Variants in KIF24 observed in about 807,000 individuals in gnomAD.
KIF24 encodes kinesin-like protein KIF24.
KIF24 carries 81 observed loss-of-function variants against 118.9 expected under a neutral mutation model. The ratio of observed to expected loss-of-function variants is 0.68; its 90% CI spans 0.57 to 0.82. The LOEUF is 0.82. KIF24 is among the 40% of genes least tolerant of loss of function. The probability of loss-of-function intolerance (pLI) is 0.00; values close to 1 mark genes in which losing one functional copy is unlikely to be tolerated. For missense variants in KIF24, 1,560 were observed against 1,661.6 expected, an observed-to-expected ratio of 0.94 and a Z score of 1.06; for synonymous variants, 599 against 610.0, an observed-to-expected ratio of 0.98 and a Z score of 0.27.
chr9:34,285,139 T>C lies in KIF24; in HGVS notation c.1215+1478A>G, dbSNP rs181883516. Reference sequence around the variant, plus strand: ...ACTATCTTCTTACATATTTCTGTAATGTTTAAACTTAATGATAAGTATGAC... The same window carrying C: ...ACTATCTTCTTACATATTTCTGTAACGTTTAAACTTAATGATAAGTATGAC... On this transcript the variant is annotated intron_variant, in intron 6 of 12. Transcript: ENST00000402558. Among the ~76,000 whole-genome samples, 752 of 152,278 alleles carry C rather than the reference T, an allele frequency of 4.9e-3. 5 individuals are homozygous for C. Among genetic ancestry groups the C allele is most frequent in the Non-Finnish European group, 5.8e-3 (394 of 68,016 alleles).
intron 2 of KIF24, among the ~76,000 whole-genome samples, chr9:34,310,061 C>T (rs1349318184): frequency 6.6e-6 from 1 of 151,580 alleles, no homozygotes; most frequent in Non-Finnish European, 1.5e-5. Flanking sequence ...CTCTTAGGGA[C>T]CTTATTTCAA....
intron 8 of KIF24, among the ~76,000 whole-genome samples, chr9:34,264,434 G>C (rs1243978743): frequency 8.2e-6 from 1 of 122,576 alleles, no homozygotes; most frequent in African/African-American, 3.0e-5. Context: ...CGTCTCAAGA[G>C]AAAAAAAAAA....
intron 1 of KIF24, among the ~76,000 whole-genome samples, chr9:34,322,459 T>A (rs1837554913): frequency 6.6e-6 from 1 of 152,022 alleles, no homozygotes; most frequent in South Asian, 2.1e-4. Flanking sequence ...TGCCTTGGCC[T>A]CCTAAAGTGC....
Position 34,255,097 on chromosome 9 carries a change from G to T in KIF24, c.3941C>A (p.Thr1314Lys). The T allele has an allele frequency of 6.3e-7, 1 of 1,594,510 alleles. No homozygotes were observed. The highest frequency in any genetic ancestry group is 8.5e-7 in the Non-Finnish European group (1 of 1,170,268). ...ATTAGAAGCCAGCTGGCTCATCAGCGTCTCCTCCTTGAAGCCGAGCTCAGC... is the reference window on the plus strand; with the variant it reads ...ATTAGAAGCCAGCTGGCTCATCAGCTTCTCCTCCTTGAAGCCGAGCTCAGC... Reference protein sequence around the residue: ...EMAELGFKEETLMSQLASNDF... With the variant: ...EMAELGFKEEKLMSQLASNDF... Residue 1314 changes from threonine (T) to lysine (K), a missense_variant, in exon 12 of 13, where the codon ACG (threonine) becomes AAG (lysine). By Grantham distance (78) the Thr-to-Lys change is moderately conservative. Coordinates refer to ENST00000402558, the MANE Select transcript of KIF24 (RefSeq NM_194313.4).
intron 3 of KIF24, among the ~76,000 whole-genome samples, chr9:34,300,974 T>C (rs1836683420): frequency 6.6e-6 from 1 of 152,136 alleles, no homozygotes; most frequent in Admixed American, 6.6e-5. Flanking sequence ...TGCTCATGGA[T>C]AGCTTTAGCT....
In KIF24 at chr9:34,256,678, A is replaced by C. The variant is rs1834858981; in HGVS notation, c.2929T>G (p.Leu977Val). Residue 977 changes from leucine (L) to valine (V), a missense_variant, in exon 11 of 13, where the codon TTG becomes GTG. Leu to Val is a conservative substitution (Grantham distance 32, BLOSUM62 1). Transcript: ENST00000402558. ...SEVSGENEGN[L>V]PSPEEDGFTI... ...AAACCATCTTCCTCTGGGGATGGCA[A>C]GTTGCCCTCATTCTCCCCAGAAACC... The C allele has an allele frequency of 6.2e-7, 1 of 1,613,988 alleles. No homozygotes were observed. Among genetic ancestry groups the C allele is most frequent in the Non-Finnish European group, 8.5e-7 (1 of 1,179,892 alleles).
At chr9:34,281,331 T>TA (rs1349629906) in intron 6 of KIF24, among the ~76,000 whole-genome samples, 2 of 152,170 alleles carry the variant, frequency 1.3e-5, no homozygotes, top group Non-Finnish European at 2.9e-5. Flanking sequence ...TGGCCTCTCT[T>TA]AATTTCTTAA....
intron 6 of KIF24, among the ~76,000 whole-genome samples, chr9:34,280,174 C>T (rs1396414216): frequency 1.3e-5 from 2 of 148,618 alleles, no homozygotes; most frequent in Non-Finnish European, 3.0e-5. Flanking sequence ...GTCCCAGCTA[C>T]TTGGGAGGCT....
intron 1 of KIF24, among the ~76,000 whole-genome samples, chr9:34,316,341 A>G (rs1270723190): frequency 2.0e-5 from 3 of 152,084 alleles, no homozygotes; most frequent in Non-Finnish European, 4.4e-5. Flanking sequence ...CTCTATTAAA[A>G]AAAAAAAAAA....
At position 34,253,659 on chromosome 9, in the gene KIF24, G is replaced by C. The variant is rs535584335; in HGVS notation, c.*721C>G. The C allele has an allele frequency of 6.6e-6, 1 of 152,166 alleles. No homozygotes were observed. Among genetic ancestry groups the C allele is most frequent in the African/African-American group, 2.4e-5 (1 of 41,426 alleles). 9.4% of individuals were successfully genotyped at this position (152,166 alleles called of 1,614,324 possible). A position where few individuals can be genotyped will look rare whatever the true frequency, so the allele number is the denominator to read the frequency against. On this transcript the variant is annotated 3_prime_UTR_variant, in exon 13 of 13. Coordinates refer to ENST00000402558, the MANE Select transcript of KIF24 (RefSeq NM_194313.4). ...GGCATTGTACAGAGGCCTTTCACCC[G>C]AGCAAAAGTCAGGAGAAAAATTGAT...
At chr9:34,300,471 C>T (rs1339997086) in intron 3 of KIF24, among the ~76,000 whole-genome samples, 2 of 151,702 alleles carry the variant, frequency 1.3e-5, no homozygotes, top group Admixed American at 6.6e-5. Flanking sequence ...CTGCTTCAAG[C>T]GATTCTCCTG....
At chr9:34,319,611 C>A (rs900103049) in intron 1 of KIF24, 5 of 909,770 alleles carry the variant, frequency 5.5e-6, no homozygotes, top group Non-Finnish European at 9.2e-6. Flanking sequence ...GTTCACTGGG[C>A]ACCTGGTCCG....
intron 4 of KIF24, among the ~76,000 whole-genome samples, chr9:34,290,733 G>A (rs980295947): frequency 2.6e-5 from 4 of 151,900 alleles, no homozygotes; most frequent in Non-Finnish European, 5.9e-5. Context: ...CTGAGTAGCT[G>A]GAAGTACAGG....
intron 6 of KIF24, among the ~76,000 whole-genome samples, chr9:34,275,848 A>T (rs993857933): frequency 2.0e-5 from 3 of 151,892 alleles, no homozygotes; most frequent in East Asian, 3.9e-4. Flanking sequence ...AAAAAAAAAA[A>T]TTATTTGATA....
Position 34,318,608 on chromosome 9 carries a change from G to A in KIF24, c.-25-7237C>T. The A allele has an allele frequency of 1.2e-5, 17 of 1,477,222 alleles. No individual in the cohort carries two copies. The South Asian group carries it at 2.0e-4, about 17-fold the overall frequency. The allele number at this position is 1,477,222 out of a possible 1,614,324, so 91.5% of individuals were successfully genotyped here. ...GGACCAGGCGGTGGAGAACATCCTG[G>A]TGTCGCCCGTGGTGGTGGCCTCGTC... On this transcript the variant is annotated intron_variant, in intron 1 of 12. Coordinates refer to ENST00000402558, the MANE Select transcript of KIF24 (RefSeq NM_194313.4). The surrounding 1 kb of genome is among the most constrained non-coding windows in gnomAD (Gnocchi z 4.9).
intron 6 of KIF24, among the ~76,000 whole-genome samples, chr9:34,275,603 G>A (rs775848388): frequency 1.3e-5 from 2 of 152,174 alleles, no homozygotes; most frequent in African/African-American, 2.4e-5. Context: ...CACTTTGGGA[G>A]GCCAAGGCGG....
chr9:34,279,041 T>G (rs1835754074), intron 6 of KIF24, among the ~76,000 whole-genome samples: 1 of 152,106 alleles, frequency 6.6e-6, no homozygotes, highest in Admixed American at 6.6e-5. Flanking sequence ...AAGGTTGAGG[T>G]TGCAGTGACC....
In KIF24 at chr9:34,257,912, G is replaced by A. The variant is rs1286110100; in HGVS notation, c.1695C>T (p.Asn565=). The change falls in exon 11 of 13, where the codon AAC becomes AAT. Residue 565 remains asparagine (N), a synonymous_variant. Transcript: ENST00000402558. ...AGCTCTGAATTCGTTTTGGAGAGGA[G>A]TTTCCAGATGTCCGATTTCGACTGG... The part of the protein sequence containing the change: ...SVTSRNRTSG[N]SSPKRIQSSP... 1.2e-6 allele frequency: 2 copies of A among 1,613,990 alleles called. No individual in the cohort carries two copies. The highest frequency in any genetic ancestry group is 8.5e-7 in the Non-Finnish European group (1 of 1,179,868).
chr9:34,309,855 ATTCT>A (rs1340252845), intron 2 of KIF24, among the ~76,000 whole-genome samples: 2 of 152,236 alleles, frequency 1.3e-5, no homozygotes, highest in African/African-American at 4.8e-5. Flanking sequence ...CCAGATATAA[ATTCT>A]TTATCTTAAG....
Sources: allele counts gnomAD v4.1 joint callset (sites outside exome capture counted in the v4.1 genomes callset), GRCh38; gene constraint gnomAD v4.1.1; non-coding constraint Gnocchi (gnomAD v3.1); transcripts MANE v1.5; gene names NCBI Gene and HGNC (gene_info 2026-07-23, HGNC 2026-07-21).